AQP7B: variants seen among roughly 807,000 people sequenced by gnomAD.
AQP7B encodes the protein aquaporin 7B.
At chr2:94,599,310 C>T in the AQP7B span, among the ~76,000 whole-genome samples, 1 of 152,134 alleles carries the variant, frequency 6.6e-6, no homozygotes, top group Non-Finnish European at 1.5e-5. Context: ...AAAGCCAGCC[C>T]AGCTCTGGGC....
At chr2:94,603,882 C>G in the AQP7B span, 3 of 1,368,638 alleles carry the variant, frequency 2.2e-6, no homozygotes, top group Non-Finnish European at 3.1e-6. Flanking sequence ...GGGACCCGCC[C>G]CCCAGCATCT....
chr2:94,596,211 G>T, the AQP7B span, among the ~76,000 whole-genome samples: 1 of 152,222 alleles, frequency 6.6e-6, no homozygotes, highest in Admixed American at 6.5e-5. Flanking sequence ...CTTGACAAGG[G>T]TTCTTCTTTA....
At chr2:94,598,653 T>A in the AQP7B span, among the ~76,000 whole-genome samples, 1 of 152,184 alleles carries the variant, frequency 6.6e-6, no homozygotes, top group African/African-American at 2.4e-5. Context: ...CCTGAGCTGC[T>A]CATTTTTCAA....
the AQP7B span, chr2:94,603,606 C>A: frequency 7.4e-7 from 1 of 1,351,678 alleles, no homozygotes; most frequent in Non-Finnish European, 1.0e-6. Context: ...TGGATGGAGA[C>A]TGTACTGAGA....
the AQP7B span, among the ~76,000 whole-genome samples, chr2:94,596,231 T>G: frequency 6.7e-4 from 102 of 152,360 alleles, 1 homozygote; most frequent in Admixed American, 1.2e-3. Flanking sequence ...AGTGTGTGAT[T>G]GGGACAGTAT....
chr2:94,595,482 TTGA>T, the AQP7B span, among the ~76,000 whole-genome samples: 1 of 151,700 alleles, frequency 6.6e-6, no homozygotes, highest in Non-Finnish European at 1.5e-5. Flanking sequence ...GAAGAGAAAC[TTGA>T]TGATTGGGCT....
chr2:94,587,714 G>A, the AQP7B span, among the ~76,000 whole-genome samples: 2 of 152,126 alleles, frequency 1.3e-5, no homozygotes, highest in East Asian at 3.9e-4. Flanking sequence ...GCAGACCATG[G>A]GGGTGGGACG....
the AQP7B span, among the ~76,000 whole-genome samples, chr2:94,601,360 A>C: frequency 1.3e-5 from 2 of 152,224 alleles, no homozygotes; most frequent in Non-Finnish European, 2.9e-5. Context: ...CCTTCAACAG[A>C]GCCTGAGACG....
At chr2:94,587,511 G>C in the AQP7B span, among the ~76,000 whole-genome samples, 1 of 152,140 alleles carries the variant, frequency 6.6e-6, no homozygotes, top group African/African-American at 2.4e-5. Context: ...GGTGACTGAG[G>C]GATTGTTTGG....
At chr2:94,598,302 T>C in the AQP7B span, among the ~76,000 whole-genome samples, 2 of 152,180 alleles carry the variant, frequency 1.3e-5, no homozygotes, top group African/African-American at 4.8e-5. Context: ...GCCCCATTTA[T>C]TGCAGCCAGG....
chr2:94,603,996 G>A, the AQP7B span: 18 of 968,550 alleles, frequency 1.9e-5, no homozygotes, highest in Non-Finnish European at 2.7e-5. Context: ...TGAGGGGTGG[G>A]GGGTGATGTG....
At chr2:94,597,630 T>G in the AQP7B span, among the ~76,000 whole-genome samples, 8 of 151,704 alleles carry the variant, frequency 5.3e-5, no homozygotes, top group Admixed American at 4.6e-4. Context: ...TTTTTTGTTT[T>G]TTTTTTGAGA....
chr2:94,600,456 G>A, the AQP7B span, among the ~76,000 whole-genome samples: 1 of 152,174 alleles, frequency 6.6e-6, no homozygotes, highest in Non-Finnish European at 1.5e-5. Context: ...TTCTGGCCAG[G>A]CATGGTGGCT....
the AQP7B span, chr2:94,604,612 G>T: frequency 6.6e-7 from 1 of 1,520,342 alleles, no homozygotes; most frequent in Non-Finnish European, 8.9e-7. Context: ...CCCCAATAAA[G>T]CAAAGCTTGT....
At chr2:94,602,018 A>AGTGTGTGT in the AQP7B span, among the ~76,000 whole-genome samples, 2,232 of 139,910 alleles carry the variant, frequency 0.016, 13 homozygotes, top group African/African-American at 0.02. Context: ...ATTGCGGCGG[A>AGTGTGTGT]GTGTGTGTGT....
the AQP7B span, chr2:94,603,681 C>G: frequency 1.5e-6 from 2 of 1,368,250 alleles, no homozygotes; most frequent in Non-Finnish European, 2.0e-6. Flanking sequence ...GGGAGGGGCC[C>G]AGGTGAGCTG....
chr2:94,597,615 T>G, the AQP7B span, among the ~76,000 whole-genome samples: 4 of 151,538 alleles, frequency 2.6e-5, no homozygotes, highest in Non-Finnish European at 4.4e-5. Flanking sequence ...CTTTTTTGTT[T>G]TTTTTTTTTT....
At chr2:94,598,287 C>G in the AQP7B span, among the ~76,000 whole-genome samples, 1 of 152,090 alleles carries the variant, frequency 6.6e-6, no homozygotes, top group Non-Finnish European at 1.5e-5. Context: ...GCTAGTGTGA[C>G]CTTGGCCCCA....
the AQP7B span, among the ~76,000 whole-genome samples, chr2:94,589,104 T>C: frequency 6.6e-6 from 1 of 150,980 alleles, no homozygotes; most frequent in African/African-American, 2.4e-5. Context: ...TGCCTTAGCC[T>C]CCTGAGTAGC....
Sources: gnomAD v4.1 joint callset for allele counts (sites outside exome capture counted in the v4.1 genomes callset) on GRCh38, gnomAD v4.1.1 for gene constraint, MANE v1.5 for transcripts, NCBI Gene and HGNC (gene_info 2026-07-23, HGNC 2026-07-21) for gene names.